The following IQSEC1 variants were observed in gnomAD, a reference collection of about 807,000 sequenced individuals.
The protein encoded by IQSEC1 is IQ motif and SEC7 domain-containing protein 1.
In IQSEC1, 31 loss-of-function variants were observed where a neutral mutation model predicts 91.0. The ratio of observed to expected loss-of-function variants is 0.34; its 90% CI spans 0.26 to 0.46. The LOEUF is 0.46. Among genes scored for constraint, IQSEC1 ranks in the 20% least tolerant of loss-of-function variants. The probability of loss-of-function intolerance (pLI) is 1.00; values close to 1 mark genes in which losing one functional copy is unlikely to be tolerated. For missense variants in IQSEC1, 1,388 were observed against 1,575.6 expected (o/e 0.88, Z 2.02); for synonymous variants, 699 against 662.6 (o/e 1.05, Z -0.84).
intron 2 of IQSEC1, among the ~76,000 whole-genome samples, chr3:13,092,818 C>T (rs1431015198): frequency 1.3e-5 from 2 of 152,230 alleles, no homozygotes; most frequent in African/African-American, 4.8e-5. Context: ...GCCAGCCCCT[C>T]CTCACTCTGC....
rs34002295 is a variant in IQSEC1, at chr3:13,117,569, CAAAAAAAAAA to C, written c.302+46525_302+46534del. Reference sequence around the variant, plus strand: ...CTGGTGACAGAGCAAGACTCCGTCTCAAAAAAAAAAAAAAAAAAAAAAAAAAAAAAGCCAC... The same window carrying C: ...CTGGTGACAGAGCAAGACTCCGTCTCAAAAAAAAAAAAAAAAAAAAGCCAC... On this transcript the variant is annotated intron_variant, in intron 2 of 15. Transcript: ENST00000648114. Among the ~76,000 whole-genome samples, 37 of 9,450 alleles carry C rather than the reference CAAAAAAAAAA, an allele frequency of 3.9e-3. No individual in the cohort carries two copies. In the South Asian group the frequency reaches 0.11, roughly 29 times the overall value. 6.2% of individuals were successfully genotyped at this position (9,450 alleles called of 152,430 possible).
intron 1 of IQSEC1, among the ~76,000 whole-genome samples, chr3:13,002,763 C>T (rs1702474550): frequency 6.6e-6 from 1 of 152,136 alleles, no homozygotes; most frequent in South Asian, 2.1e-4. Context: ...AAATGCAAAT[C>T]AAAACCACAA....
At position 13,008,130 on chromosome 3, in the gene IQSEC1, T is replaced by G. The variant is rs1391383241; in HGVS notation, c.23+64862A>C. On this transcript the variant is annotated intron_variant, in intron 1 of 13. Transcript: ENST00000613206. This position sits in a 1 kb window ranked among gnomAD's most constrained non-coding sequence, Gnocchi z 4.1. ...GTACCTGAAGATGAAACGGGGTTAC[T>G]TAGGTACTTCTTGGCAGTTCTGAAG... 6.6e-6 allele frequency among the ~76,000 whole-genome samples: 1 copy of G among 152,190 alleles called. No homozygotes were observed. The highest frequency in any genetic ancestry group is 1.5e-5 in the Non-Finnish European group (1 of 68,014).
intron 1 of IQSEC1, among the ~76,000 whole-genome samples, chr3:12,982,110 T>C (rs943068383): frequency 9.9e-5 from 15 of 152,230 alleles, no homozygotes; most frequent in African/African-American, 3.6e-4. Flanking sequence ...GCTGAGTCAC[T>C]GTGGTGCCCT....
rs555774012 is a variant in IQSEC1, at chr3:13,114,959, C to T, written c.302+49145G>A. On this transcript the variant is annotated intron_variant, in intron 2 of 15. Coordinates refer to the IQSEC1 transcript ENST00000648114. ...GCACGGTTCAGGAGAGGCTGAGCAG[C>T]CTGCGTGGGTGAGTGAGGCAGGACA... Among the ~76,000 whole-genome samples, 7 of 152,230 alleles carry T rather than the reference C, an allele frequency of 4.6e-5. No homozygotes were observed. In the South Asian group the frequency reaches 1.5e-3, roughly 32 times the overall value.
Position 12,901,265 on chromosome 3 carries a change from C to T in IQSEC1, c.3063G>A (p.Gln1021=), listed in dbSNP as rs951459571. The change falls in exon 14 of 14, where the codon CAG becomes CAA. Residue 1021 remains glutamine (Q), a synonymous_variant. Coordinates refer to ENST00000613206, the MANE Select transcript of IQSEC1 (RefSeq NM_001134382.3). ...GGGTGTGATGCCCGTGCATGGCGGCCTGCGGCAGCCCCTCTGGGGGCCCCA... is the reference window on the plus strand; with the variant it reads ...GGGTGTGATGCCCGTGCATGGCGGCTTGCGGCAGCCCCTCTGGGGGCCCCA... The part of the protein sequence containing the change: ...HHLGPPEGLP[Q]AAMHGHHTQY... 1.4e-5 allele frequency: 22 copies of T among 1,548,102 alleles called. No individual in the cohort carries two copies. The Admixed American group carries it at 4.1e-4, about 29-fold the overall frequency.
chr3:13,207,139 C>T lies in IQSEC1; in HGVS notation c.273-43006G>A, dbSNP rs1694359204. Among the ~76,000 whole-genome samples the T allele has an allele frequency of 6.6e-6, 1 of 152,130 alleles. No individual in the cohort carries two copies. The highest frequency in any genetic ancestry group is 2.1e-4 in the South Asian group (1 of 4,822). On this transcript the variant is annotated intron_variant, in intron 1 of 15. Transcript: ENST00000648114. The surrounding 1 kb of genome is among the most constrained non-coding windows in gnomAD (Gnocchi z 4.8). Reference sequence around the variant, plus strand: ...ACTACTGCATCGTGGGACCACCCAACTTGTGCCCTCACCACCCACCTATCC... The same window carrying T: ...ACTACTGCATCGTGGGACCACCCAATTTGTGCCCTCACCACCCACCTATCC...
In IQSEC1 at chr3:12,901,576, C is replaced by A; in HGVS notation, c.2806-54G>T. 2.9e-6 allele frequency: 4 copies of A among 1,403,312 alleles called. No homozygotes were observed. In the South Asian group the frequency reaches 3.9e-5, roughly 14 times the overall value. 86.9% of individuals were successfully genotyped at this position (1,403,312 alleles called of 1,614,324 possible). The stretch of plus-strand genomic sequence containing the variant: ...TTAAAAGATCTTCAAGCACTTAGGT[C>A]AGAATGATTTTTTTTTTTCAAATGT... On this transcript the variant is annotated intron_variant, in intron 13 of 13. Transcript: ENST00000613206.
At chr3:13,058,403 G>A (rs983134378) in intron 1 of IQSEC1, among the ~76,000 whole-genome samples, 3 of 152,258 alleles carry the variant, frequency 2.0e-5, no homozygotes, top group African/African-American at 7.2e-5. Context: ...ATGATGTGCT[G>A]AGTGCCACTG....
At chr3:13,183,069 C>T (rs888525200) in intron 1 of IQSEC1, among the ~76,000 whole-genome samples, 2 of 151,960 alleles carry the variant, frequency 1.3e-5, no homozygotes, top group African/African-American at 4.8e-5. Context: ...GAGGCTGAGG[C>T]AGGAGAATCA....
chr3:12,925,073 T>C (rs915060841), intron 3 of IQSEC1, among the ~76,000 whole-genome samples: 5 of 152,136 alleles, frequency 3.3e-5, no homozygotes, highest in Non-Finnish European at 7.4e-5. Context: ...GGTGCTTCTG[T>C]GGGAGCTGGA....
At chr3:13,222,031 T>C (rs372521082) in intron 1 of IQSEC1, among the ~76,000 whole-genome samples, 1 of 152,170 alleles carries the variant, frequency 6.6e-6, no homozygotes, top group Non-Finnish European at 1.5e-5. Flanking sequence ...TGGTAAAGGA[T>C]ACATAACACA....
chr3:13,160,928 G>A (rs982670435), intron 2 of IQSEC1, among the ~76,000 whole-genome samples: 1 of 152,212 alleles, frequency 6.6e-6, no homozygotes, highest in African/African-American at 2.4e-5. Flanking sequence ...TGGACACAAA[G>A]CAGAAGGGAC....
intron 1 of IQSEC1, among the ~76,000 whole-genome samples, chr3:13,011,633 G>A (rs1352482955): frequency 6.6e-6 from 1 of 152,168 alleles, no homozygotes; most frequent in South Asian, 2.1e-4. Context: ...GTGTAAACTC[G>A]GCACCAAGCT....
At position 13,054,089 on chromosome 3, in the gene IQSEC1, T is replaced by A. The variant is rs1704792220; in HGVS notation, c.23+18903A>T. 1.3e-5 allele frequency among the ~76,000 whole-genome samples: 2 copies of A among 152,212 alleles called. 1 individual carries two copies. The highest frequency in any genetic ancestry group is 4.1e-4 in the South Asian group (2 of 4,826). ...TTCCTCCCCTCGCCCCATGGAAAGCTGGTGGAGCCTGGCAGGCGTTCCCCT... is the reference window on the plus strand; with the variant it reads ...TTCCTCCCCTCGCCCCATGGAAAGCAGGTGGAGCCTGGCAGGCGTTCCCCT... On this transcript the variant is annotated intron_variant, in intron 1 of 13. Transcript: ENST00000613206.
chr3:13,107,537 A>G (rs985484717), intron 2 of IQSEC1, among the ~76,000 whole-genome samples: 4 of 152,232 alleles, frequency 2.6e-5, no homozygotes, highest in African/African-American at 7.2e-5. Context: ...AGAGCTGGTA[A>G]GTGGCAGATT....
intron 2 of IQSEC1, among the ~76,000 whole-genome samples, chr3:13,114,774 C>T (rs999513925): frequency 1.6e-5 from 2 of 128,592 alleles, no homozygotes; most frequent in Non-Finnish European, 3.1e-5. Context: ...GCCTGGGTGA[C>T]AGAGTGAGAC....
chr3:13,030,026 A>G (rs950071203), intron 1 of IQSEC1, among the ~76,000 whole-genome samples: 2 of 151,836 alleles, frequency 1.3e-5, no homozygotes, highest in Non-Finnish European at 2.9e-5. Flanking sequence ...CTGGTCTTGA[A>G]CTCCTGGCCT....
chr3:12,959,371 C>T (rs529034827), intron 1 of IQSEC1, among the ~76,000 whole-genome samples: 1 of 152,292 alleles, frequency 6.6e-6, no homozygotes, highest in East Asian at 1.9e-4. Context: ...CAGGGGACCC[C>T]CAATCCGATG....
Sources: gnomAD v4.1 joint callset for allele counts (sites outside exome capture counted in the v4.1 genomes callset) on GRCh38, gnomAD v4.1.1 for gene constraint, Gnocchi (gnomAD v3.1) non-coding constraint, MANE v1.5 for transcripts, NCBI Gene and HGNC (gene_info 2026-07-23, HGNC 2026-07-21) for gene names.